CEP85: variants seen among roughly 807,000 people sequenced by gnomAD.
CEP85 encodes the protein centrosomal protein 85, also known as centrosomal protein of 85 kDa.
CEP85 carries 58 observed loss-of-function variants against 93.7 expected under a neutral mutation model. That is an observed-to-expected ratio of 0.62 (90% CI 0.50 to 0.77). The LOEUF (loss-of-function observed/expected upper bound fraction) is 0.77, where lower values mean the gene tolerates loss of function less well. CEP85 is among the 30% of genes least tolerant of loss of function. CEP85 has a pLI of 0.00. For synonymous variants in CEP85, 314 were observed against 338.6 expected (o/e 0.93, Z 0.80); for missense variants, 868 against 922.0 (o/e 0.94, Z 0.76).
At chr1:26,238,424 G>T (rs772280120) in intron 1 of CEP85, among the ~76,000 whole-genome samples, 8 of 151,810 alleles carry the variant, frequency 5.3e-5, no homozygotes, top group Non-Finnish European at 1.0e-4. Context: ...TCGAACTCCT[G>T]ACCTCAGGTG....
intron 3 of CEP85, 81 bp from the exon 4 acceptor site, chr1:26,255,090 C>T (rs1254412857): frequency 1.8e-5 from 21 of 1,171,152 alleles, no homozygotes; most frequent in South Asian, 1.1e-4. Context: ...CAGGACAGGC[C>T]GAGAGCTTCT....
In CEP85 at chr1:26,277,587, C is replaced by A; in HGVS notation, c.*294C>A. On this transcript the variant is annotated 3_prime_UTR_variant, in exon 14 of 14. Transcript: ENST00000451429. ...CCCAGCCCTAGGCTGACATGAGAGA[C>A]GAACAGGCTGTCCACCTTTCTTCTC... is the stretch of plus-strand genomic sequence containing the variant. The A allele has an allele frequency of 3.8e-6, 1 of 262,574 alleles. No individual in the cohort carries two copies. The highest frequency in any genetic ancestry group is 5.8e-5 in the South Asian group (1 of 17,328). The allele number at this position is 262,574 out of a possible 1,614,324, so 16.3% of individuals were successfully genotyped here. A position where few individuals can be genotyped will look rare whatever the true frequency, so the allele number is the denominator to read the frequency against.
chr1:26,250,388 C>T lies in CEP85; in HGVS notation c.209-4783C>T, dbSNP rs560421584. Among the ~76,000 whole-genome samples, 127 of 152,308 alleles carry T rather than the reference C, an allele frequency of 8.3e-4. 1 individual carries two copies. Among genetic ancestry groups the T allele is most frequent in the African/African-American group, 2.9e-3 (119 of 41,570 alleles). ...GCTCAGTCCTTACGAGAATCTAATG[C>T]CTGATGATCTGAGGTGGAACAGTTT... is the stretch of plus-strand genomic sequence containing the variant. On this transcript the variant is annotated intron_variant, in intron 3 of 13. Coordinates refer to ENST00000451429, the MANE Select transcript of CEP85 (RefSeq NM_001319944.2).
At chr1:26,266,785 G>A (rs528452542) in intron 7 of CEP85, among the ~76,000 whole-genome samples, 5 of 152,290 alleles carry the variant, frequency 3.3e-5, no homozygotes, top group Non-Finnish European at 5.9e-5. Flanking sequence ...GCACCATAAT[G>A]GTGAAGAAAA....
intron 1 of CEP85, among the ~76,000 whole-genome samples, chr1:26,235,026 C>A (rs1194507991): frequency 1.3e-5 from 2 of 152,176 alleles, no homozygotes; most frequent in African/African-American, 4.8e-5. Context: ...GTCAGTAGGG[C>A]GGAAGGTGAG....
intron 3 of CEP85, among the ~76,000 whole-genome samples, chr1:26,246,950 G>A (rs1370713633): frequency 1.3e-5 from 2 of 152,190 alleles, no homozygotes; most frequent in African/African-American, 2.4e-5. Context: ...GCCAAGGACC[G>A]GTACCAGTCT....
At chr1:26,269,731 C>A in intron 9 of CEP85, 117 bp downstream of exon 9, 1 of 620,166 alleles carries the variant, frequency 1.6e-6, no homozygotes, top group Non-Finnish European at 2.7e-6. Flanking sequence ...CTTATCTGAG[C>A]TTTGTTTTCT....
rs2089473564 is a variant in CEP85, at chr1:26,244,194, C to G, written c.84C>G (p.Ser28=). 1 of 1,613,064 alleles carries G rather than the reference C, an allele frequency of 6.2e-7. No individual in the cohort carries two copies. The highest frequency in any genetic ancestry group is 1.3e-5 in the African/African-American group (1 of 74,774). ...CCGATGTGATTCAGAAGGGCAGTTC[C>G]CTGGGGACTGAATGGCAGACCCCAG... The part of the protein sequence containing the change: ...PSSDVIQKGS[S]LGTEWQTPVI... The change falls in exon 3 of 14, where the codon TCC becomes TCG. Residue 28 remains serine, a synonymous_variant. Transcript: ENST00000451429.
intron 2 of CEP85, among the ~76,000 whole-genome samples, chr1:26,243,092 A>G (rs1006066370): frequency 1.3e-5 from 2 of 148,522 alleles, no homozygotes; most frequent in African/African-American, 5.0e-5. Flanking sequence ...GGATTCACCT[A>G]TTGAGGGTAC....
intron 1 of CEP85, among the ~76,000 whole-genome samples, chr1:26,238,293 A>G (rs1005308605): frequency 2.3e-5 from 3 of 130,634 alleles, no homozygotes; most frequent in African/African-American, 8.9e-5. Context: ...CTCCGCCTCC[A>G]TGGTCCAAGC....
chr1:26,276,657 G>C lies in CEP85; in HGVS notation c.2025G>C (p.Gln675His). ...DTAQLALELHQELASCLQDLQ... is the reference protein window; with the variant it reads ...DTAQLALELHHELASCLQDLQ... ...CCCAGCTGGCACTTGAGCTGCACCA[G>C]GAGTTGGCCAGTTGCCTTCAAGATC... The change falls in exon 13 of 14, where the codon CAG (glutamine) becomes CAC (histidine). Residue 675 changes from glutamine to histidine, a missense_variant. Physicochemically the swap from Gln to His is conservative, Grantham distance 24. Transcript: ENST00000451429. 6.2e-7 allele frequency: 1 copy of C among 1,614,224 alleles called. No homozygotes were observed. Among genetic ancestry groups the C allele is most frequent in the Non-Finnish European group, 8.5e-7 (1 of 1,180,048 alleles).
intron 5 of CEP85, 47 bp downstream of exon 5, chr1:26,257,777 C>T: frequency 6.2e-7 from 1 of 1,603,364 alleles, no homozygotes; most frequent in South Asian, 1.1e-5. Context: ...CTCCCAGGCC[C>T]CATTGAAGAC....
At chr1:26,271,965 C>T in intron 10 of CEP85, 56 bp from the exon 11 acceptor site, 1 of 1,544,906 alleles carries the variant, frequency 6.5e-7, no homozygotes, top group Non-Finnish European at 8.9e-7. Flanking sequence ...CCCTTGCCCT[C>T]TGTCCTCACC....
intron 1 of CEP85, among the ~76,000 whole-genome samples, chr1:26,238,929 T>C (rs983622239): frequency 6.6e-6 from 1 of 152,248 alleles, no homozygotes; most frequent in Non-Finnish European, 1.5e-5. Flanking sequence ...GTTCTACTTA[T>C]GAGCAAGAAT....
chr1:26,261,441 C>T (rs1293294025), intron 7 of CEP85, among the ~76,000 whole-genome samples: 1 of 151,984 alleles, frequency 6.6e-6, no homozygotes, highest in Admixed American at 6.6e-5. Flanking sequence ...CATTGCACCC[C>T]AGCCTAGGCA....
chr1:26,276,840 C>A, intron 13 of CEP85, 80 bp downstream of exon 13: 1 of 1,144,106 alleles, frequency 8.7e-7, no homozygotes, highest in Non-Finnish European at 1.3e-6. Context: ...TTCCCATATT[C>A]TTGTGGTAAT....
intron 7 of CEP85, among the ~76,000 whole-genome samples, chr1:26,262,459 CAG>C (rs2089825489): frequency 6.6e-6 from 1 of 151,162 alleles, no homozygotes; most frequent in African/African-American, 2.4e-5. Flanking sequence ...ATCTGGGCAA[CAG>C]AGTGAGTGAG....
chr1:26,247,216 A>G (rs774335065), intron 3 of CEP85, among the ~76,000 whole-genome samples: 9 of 152,232 alleles, frequency 5.9e-5, no homozygotes, highest in Admixed American at 2.0e-4. Context: ...TGGTGGAAAC[A>G]GCATGACTGC....
At position 26,277,490 on chromosome 1, in the gene CEP85, T is replaced by A. The variant is rs1480649769; in HGVS notation, c.*197T>A. The stretch of plus-strand genomic sequence containing the variant: ...GGCATGTTGGATTACGTTTGTCCTG[T>A]TAATTCACTCTAGACGGTGAGTTAC... On this transcript the variant is annotated 3_prime_UTR_variant, in exon 14 of 14. Coordinates refer to ENST00000451429, the MANE Select transcript of CEP85 (RefSeq NM_001319944.2). 4 of 549,960 alleles carry A rather than the reference T, an allele frequency of 7.3e-6. No homozygotes were observed. The African/African-American group carries it at 7.5e-5, about 10-fold the overall frequency. 34.1% of individuals were successfully genotyped at this position (549,960 alleles called of 1,614,324 possible).
Sources: gnomAD v4.1 joint callset for allele counts (sites outside exome capture counted in the v4.1 genomes callset) on GRCh38, gnomAD v4.1.1 for gene constraint, MANE v1.5 for transcripts, NCBI Gene and HGNC (gene_info 2026-07-23, HGNC 2026-07-21) for gene names.